The following VPS13D variants were observed in gnomAD, a reference collection of about 807,000 sequenced individuals.
VPS13D encodes the protein intermembrane lipid transfer protein VPS13D.
A neutral mutation model predicts 461.9 loss-of-function variants in VPS13D; 187 were observed. The ratio of observed to expected loss-of-function variants is 0.40; its 90% CI spans 0.36 to 0.46. The LOEUF is 0.46. Ranked by LOEUF, VPS13D falls within the 20% of genes least tolerant of loss-of-function variation. The pLI, the probability that VPS13D is intolerant of heterozygous loss-of-function variation, is 0.60. For synonymous variants in VPS13D, 1,951 were observed against 1,986.3 expected (o/e 0.98, Z 0.47); for missense variants, 4,711 against 5,364.9 (o/e 0.88, Z 3.81).
chr1:12,497,665 T>C (rs1157885111), intron 68 of VPS13D, 34 bp downstream of exon 68: 2 of 1,592,744 alleles, frequency 1.3e-6, no homozygotes, highest in Admixed American at 3.4e-5. Flanking sequence ...GCCCTGTGGG[T>C]CTACTGAGTT....
At chr1:12,435,602 G>A (rs982366042) in intron 65 of VPS13D, among the ~76,000 whole-genome samples, 1 of 152,058 alleles carries the variant, frequency 6.6e-6, no homozygotes, top group Non-Finnish European at 1.5e-5. Context: ...GGATACTGAC[G>A]TTCAGAGAAA....
At position 12,378,694 on chromosome 1, in the gene VPS13D, G is replaced by A. The variant is rs554760166; in HGVS notation, c.11081+103G>A. ...AGAGTTCTATAAATAAAGTAAAAAT[G>A]TATATTTTTTTCAATGACAAAAACC... On this transcript the variant is annotated intron_variant, in intron 56 of 69. Transcript: ENST00000620676. 51 of 1,233,708 alleles carry A rather than the reference G, an allele frequency of 4.1e-5. No homozygotes were observed. The African/African-American group carries it at 6.9e-4, about 17-fold the overall frequency. The allele number at this position is 1,233,708 out of a possible 1,614,324, so 76.4% of individuals were successfully genotyped here.
chr1:12,390,370 C>T (rs1644408652), intron 60 of VPS13D, among the ~76,000 whole-genome samples: 1 of 152,150 alleles, frequency 6.6e-6, no homozygotes, highest in Non-Finnish European at 1.5e-5. Context: ...GCCATTTCAC[C>T]ATTCTATCAA....
At chr1:12,324,763 A>G (rs938892028) in intron 35 of VPS13D, among the ~76,000 whole-genome samples, 6 of 152,234 alleles carry the variant, frequency 3.9e-5, no homozygotes, top group Non-Finnish European at 5.9e-5. Flanking sequence ...AATGGCGGTG[A>G]TATTGATAAT....
chr1:12,349,400 G>A (rs184185335), intron 46 of VPS13D, 26 bp downstream of exon 46: 3 of 1,601,080 alleles, frequency 1.9e-6, no homozygotes, highest in African/African-American at 1.3e-5. Context: ...GCAGTGACAT[G>A]TCACTTTTGC....
chr1:12,349,340 C>T lies in VPS13D; in HGVS notation c.9397C>T (p.His3133Tyr). ...AATTAGTAGCAGTAAACGAGAGTGC[C>T]ACTCTATGGACACAGAAAAAAGCCG... is the stretch of plus-strand genomic sequence containing the variant. Reference protein sequence around the residue: ...AEISSSKRECHSMDTEKSRFF... With the variant: ...AEISSSKRECYSMDTEKSRFF... Residue 3133 changes from histidine to tyrosine, a missense_variant, in exon 46 of 70, where the codon CAC becomes TAC. By Grantham distance (83) the His-to-Tyr change is moderately conservative. This residue lies in a region of VPS13D where 4,411 missense variants were observed against 4,937.8 expected (regional missense o/e 0.89). Transcript: ENST00000620676. The T allele has an allele frequency of 6.2e-7, 1 of 1,614,090 alleles. No individual in the cohort carries two copies. Among genetic ancestry groups the T allele is most frequent in the South Asian group, 1.1e-5 (1 of 91,078 alleles).
chr1:12,371,390 C>CTTTTTTTT (rs1286829007), intron 54 of VPS13D, among the ~76,000 whole-genome samples: 1 of 135,222 alleles, frequency 7.4e-6, no homozygotes. Context: ...ATGCTTCATT[C>CTTTTTTTT]TTTTTTTTTT....
rs116037386 is a variant in VPS13D at position 12,312,619 on chromosome 1, G to T, written c.6935+694G>T. The stretch of plus-strand genomic sequence containing the variant: ...TACAAAAAATTAAAAAACTAGCTGC[G>T]CATGGTGGTGCATGCCTGTAGTCCC... On this transcript the variant is annotated intron_variant, in intron 29 of 69. Transcript: ENST00000620676. Among the ~76,000 whole-genome samples, 1,167 of 152,178 alleles carry T rather than the reference G, an allele frequency of 7.7e-3. 11 individuals are homozygous for T. Among genetic ancestry groups the T allele is most frequent in the South Asian group, 0.024 (113 of 4,806 alleles).
chr1:12,301,063 A>G (rs1473073167), intron 25 of VPS13D, among the ~76,000 whole-genome samples: 1 of 152,190 alleles, frequency 6.6e-6, no homozygotes, highest in Non-Finnish European at 1.5e-5. Context: ...AGATTTAAAA[A>G]CTGCCGAAAA....
chr1:12,457,792 G>A (rs1407158929), intron 66 of VPS13D, among the ~76,000 whole-genome samples: 4 of 152,228 alleles, frequency 2.6e-5, no homozygotes, highest in African/African-American at 9.6e-5. Context: ...AAAGGGAGCT[G>A]TCCCTAAGGA....
At chr1:12,471,462 C>T (rs753872662) in intron 67 of VPS13D, among the ~76,000 whole-genome samples, 58 of 152,300 alleles carry the variant, frequency 3.8e-4, no homozygotes, top group Non-Finnish European at 7.2e-4. Context: ...ACAGTAATCT[C>T]CTGCCCTACC....
chr1:12,273,006 G>A lies in VPS13D; in HGVS notation c.2107G>A (p.Glu703Lys), dbSNP rs952605407. The change falls in exon 18 of 70, where the codon GAG becomes AAG. Residue 703 changes from glutamate to lysine, a missense_variant. This residue lies in a region of VPS13D where 4,411 missense variants were observed against 4,937.8 expected (regional missense o/e 0.89). Coordinates refer to ENST00000620676, the MANE Select transcript of VPS13D (RefSeq NM_015378.4). ...AATGACTGTTTTATTTGTACAGGAG[G>A]AGAGTAAACGATGGACCGTGCGGCT... Reference protein sequence around the residue: ...DRLLVGDFIEESKRWTVRLDI... With the variant: ...DRLLVGDFIEKSKRWTVRLDI... 6.2e-7 allele frequency: 1 copy of A among 1,613,950 alleles called. No individual in the cohort carries two copies. The highest frequency in any genetic ancestry group is 8.5e-7 in the Non-Finnish European group (1 of 1,179,912).
At position 12,279,454 on chromosome 1, in the gene VPS13D, A is replaced by C; in HGVS notation, c.4451-45A>C. On this transcript the variant is annotated intron_variant, in intron 19 of 69. Coordinates refer to ENST00000620676, the MANE Select transcript of VPS13D (RefSeq NM_015378.4). This position sits in a 1 kb window ranked among gnomAD's most constrained non-coding sequence, Gnocchi z 4.3. ...TACGTTTAATCAGCAGTAATGAAGTAAATATTAAGGTTTATGGTCTATCAT... is the reference window on the plus strand; with the variant it reads ...TACGTTTAATCAGCAGTAATGAAGTCAATATTAAGGTTTATGGTCTATCAT... The C allele has an allele frequency of 6.6e-7, 1 of 1,524,028 alleles. No homozygotes were observed. The highest frequency in any genetic ancestry group is 1.3e-5 in the South Asian group (1 of 76,788). 94.4% of individuals were successfully genotyped at this position (1,524,028 alleles called of 1,614,324 possible).
chr1:12,458,341 T>G (rs1329776131), intron 66 of VPS13D, among the ~76,000 whole-genome samples: 1 of 152,174 alleles, frequency 6.6e-6, no homozygotes, highest in Non-Finnish European at 1.5e-5. Context: ...GGTTCAGTCA[T>G]GTTCTGTCTC....
chr1:12,476,880 G>A (rs1369414645), intron 67 of VPS13D, among the ~76,000 whole-genome samples: 1 of 152,182 alleles, frequency 6.6e-6, no homozygotes, highest in East Asian at 1.9e-4. Flanking sequence ...CAGTAGACAA[G>A]GAAACCTTGT....
At chr1:12,344,350 C>A (rs988592126) in intron 42 of VPS13D, among the ~76,000 whole-genome samples, 2 of 152,036 alleles carry the variant, frequency 1.3e-5, no homozygotes, top group Admixed American at 1.3e-4. Context: ...GCTTTGGTAC[C>A]CACACACATT....
chr1:12,466,071 G>C (rs1054631246), intron 67 of VPS13D, among the ~76,000 whole-genome samples: 1 of 151,824 alleles, frequency 6.6e-6, no homozygotes, highest in Non-Finnish European at 1.5e-5. Context: ...GGAGGCGGAG[G>C]TTGCAGTGAG....
rs1310775360 is a variant in VPS13D at position 12,277,300 on chromosome 1, A to G, written c.3712A>G (p.Ile1238Val). Residue 1238 changes from isoleucine to valine, a missense_variant, in exon 19 of 70, where the codon ATT becomes GTT. Transcript: ENST00000620676. ...DNVKNQYVVS[I>V]GNSVGYENII... ...CGTTAAAAACCAGTATGTTGTCAGC[A>G]TTGGGAATTCTGTAGGCTATGAAAA... The G allele has an allele frequency of 5.0e-6, 8 of 1,614,100 alleles. No homozygotes were observed. In the Admixed American group the frequency reaches 1.0e-4, roughly 20 times the overall value.
intron 35 of VPS13D, among the ~76,000 whole-genome samples, chr1:12,325,888 T>C (rs1643168668): frequency 1.3e-5 from 2 of 152,072 alleles, no homozygotes; most frequent in South Asian, 4.1e-4. Flanking sequence ...TGTCTATGTC[T>C]TTTAAGTATA....
Sources: gnomAD v4.1 joint callset for allele counts (sites outside exome capture counted in the v4.1 genomes callset) on GRCh38, gnomAD v4.1.1 for gene constraint, gnomAD v4.1.1 regional missense constraint, Gnocchi (gnomAD v3.1) non-coding constraint, MANE v1.5 for transcripts, NCBI Gene and HGNC (gene_info 2026-07-23, HGNC 2026-07-21) for gene names.